ALK: variants seen among roughly 807,000 people sequenced by gnomAD.
ALK encodes ALK tyrosine kinase receptor.
In ALK, 74 loss-of-function variants were observed where a neutral mutation model predicts 163.1. The ratio of observed to expected loss-of-function variants is 0.45; its 90% CI spans 0.38 to 0.55. ALK has a LOEUF of 0.55. Among genes scored for constraint, ALK ranks in the 20% least tolerant of loss-of-function variants. ALK has a pLI of 0.00. For missense variants in ALK, 2,063 were observed against 2,105.3 expected, an observed-to-expected ratio of 0.98 and a Z score of 0.39; for synonymous variants, 960 against 843.2, an observed-to-expected ratio of 1.14 and a Z score of -2.40.
intron 11 of ALK, among the ~76,000 whole-genome samples, chr2:29,272,311 A>G (rs1665413973): frequency 6.6e-6 from 1 of 152,190 alleles, no homozygotes; most frequent in South Asian, 2.1e-4. Context: ...TGGACTTAAT[A>G]CTTGCCCCAT....
rs143141901 is a variant in ALK at position 29,275,475 on chromosome 2, T to C, written c.1839A>G (p.Ala613=). 1.9e-6 allele frequency: 3 copies of C among 1,614,138 alleles called. No individual in the cohort carries two copies. The highest frequency in any genetic ancestry group is 1.3e-5 in the African/African-American group (1 of 75,046). Residue 613 remains alanine, a synonymous_variant, in exon 10 of 29, where the codon GCA becomes GCG. Coordinates refer to ENST00000389048, the MANE Select transcript of ALK (RefSeq NM_004304.5). ...VSDRFWLQMV[A]WWGQGSRAIV... Reference sequence around the variant, plus strand: ...TGGCTCTGGATCCTTGTCCCCACCATGCGACCATCTGCAGCCAGAACCTGT... The same window carrying C: ...TGGCTCTGGATCCTTGTCCCCACCACGCGACCATCTGCAGCCAGAACCTGT...
chr2:29,782,670 C>G (rs1468222176), intron 1 of ALK, among the ~76,000 whole-genome samples: 3 of 152,126 alleles, frequency 2.0e-5, no homozygotes, highest in East Asian at 3.9e-4. Flanking sequence ...AAGCCAGGAC[C>G]TAATTTCCCA....
chr2:29,338,908 A>G (rs1174965609), intron 5 of ALK, among the ~76,000 whole-genome samples: 2 of 152,182 alleles, frequency 1.3e-5, no homozygotes, highest in Non-Finnish European at 2.9e-5. Flanking sequence ...TCAATCTTTG[A>G]GCTTCTACAA....
intron 1 of ALK, among the ~76,000 whole-genome samples, chr2:29,732,143 T>C (rs2148318199): frequency 1.3e-5 from 2 of 152,354 alleles, no homozygotes; most frequent in South Asian, 4.1e-4. Flanking sequence ...AATCATTCAC[T>C]AAGTGACTCA....
At chr2:29,737,190 T>C (rs986203032) in intron 1 of ALK, among the ~76,000 whole-genome samples, 10 of 152,092 alleles carry the variant, frequency 6.6e-5, no homozygotes, top group African/African-American at 2.4e-4. Context: ...TGTGAAAATA[T>C]ATAGGTGCTA....
intron 1 of ALK, among the ~76,000 whole-genome samples, chr2:29,902,798 G>A (rs975836065): frequency 6.6e-6 from 1 of 152,014 alleles, no homozygotes; most frequent in Admixed American, 6.6e-5. Context: ...AGCTCCATCA[G>A]GAAGCCTGTA....
chr2:29,286,981 A>G (rs1665875074), intron 9 of ALK: 1 of 150,834 alleles, frequency 6.6e-6, no homozygotes, highest in East Asian at 2.0e-4. Flanking sequence ...GCACACAGCT[A>G]GACTACATTC....
intron 3 of ALK, among the ~76,000 whole-genome samples, chr2:29,671,693 C>T (rs966519645): frequency 2.0e-5 from 3 of 151,944 alleles, no homozygotes; most frequent in East Asian, 1.9e-4. Context: ...CTACTACTTG[C>T]TTAGAATATT....
At chr2:29,468,482 G>C (rs1350304201) in intron 4 of ALK, among the ~76,000 whole-genome samples, 1 of 152,096 alleles carries the variant, frequency 6.6e-6, no homozygotes, top group African/African-American at 2.4e-5. Flanking sequence ...GCTTGCTAGC[G>C]ATATGAGCCC....
At chr2:29,501,583 C>A (rs1672190215) in intron 4 of ALK, among the ~76,000 whole-genome samples, 1 of 152,190 alleles carries the variant, frequency 6.6e-6, no homozygotes, top group South Asian at 2.1e-4. Context: ...TACAGGTTCC[C>A]CTCAATAGCC....
At chr2:29,901,620 A>C (rs577413770) in intron 1 of ALK, among the ~76,000 whole-genome samples, 4 of 152,290 alleles carry the variant, frequency 2.6e-5, no homozygotes, top group African/African-American at 2.4e-5. Flanking sequence ...TCAGTGCTTT[A>C]CTTAAGAAAA....
At chr2:29,756,252 G>GTCCATTAAAAA (rs1336397515) in intron 1 of ALK, among the ~76,000 whole-genome samples, 3 of 152,152 alleles carry the variant, frequency 2.0e-5, no homozygotes, top group Non-Finnish European at 4.4e-5. Flanking sequence ...TTTCCCGGGA[G>GTCCATTAAAAA]GACCTTCCGG....
chr2:29,719,561 T>G (rs911568922), intron 1 of ALK, among the ~76,000 whole-genome samples: 1 of 152,250 alleles, frequency 6.6e-6, no homozygotes, highest in African/African-American at 2.4e-5. Context: ...ACCGGTATGA[T>G]GCTAAGTGCT....
At chr2:29,203,379 C>A (rs1403089666) in intron 26 of ALK, among the ~76,000 whole-genome samples, 1 of 149,966 alleles carries the variant, frequency 6.7e-6, no homozygotes, top group African/African-American at 2.5e-5. Flanking sequence ...AATTTGATGC[C>A]ATTTGGATTC....
At chr2:29,522,375 A>G (rs1207243268) in intron 4 of ALK, among the ~76,000 whole-genome samples, 1 of 152,220 alleles carries the variant, frequency 6.6e-6, no homozygotes, top group Non-Finnish European at 1.5e-5. Flanking sequence ...AGTAAGCATC[A>G]AGTGATTCTT....
intron 1 of ALK, among the ~76,000 whole-genome samples, chr2:29,780,238 C>T (rs188899444): frequency 5.9e-5 from 9 of 152,296 alleles, no homozygotes; most frequent in East Asian, 5.8e-4. Flanking sequence ...CCTCATCTTC[C>T]GAGCACAGAG....
intron 3 of ALK, among the ~76,000 whole-genome samples, chr2:29,550,650 T>C (rs1673691629): frequency 6.6e-6 from 1 of 152,210 alleles, no homozygotes. Flanking sequence ...CTACTTGCAA[T>C]GTCAGACTAC....
At chr2:29,424,898 A>G (rs1253705995) in intron 4 of ALK, among the ~76,000 whole-genome samples, 2 of 152,234 alleles carry the variant, frequency 1.3e-5, no homozygotes, top group African/African-American at 4.8e-5. Flanking sequence ...TGAGGGTACC[A>G]TAAATAAAAT....
chr2:29,774,231 C>A (rs1029326012), intron 1 of ALK, among the ~76,000 whole-genome samples: 2 of 152,206 alleles, frequency 1.3e-5, no homozygotes, highest in African/African-American at 4.8e-5. Context: ...AACTCCCTGA[C>A]TGACACATTT....
Sources: allele counts gnomAD v4.1 joint callset (sites outside exome capture counted in the v4.1 genomes callset), GRCh38; gene constraint gnomAD v4.1.1; transcripts MANE v1.5; gene names NCBI Gene and HGNC (gene_info 2026-07-23, HGNC 2026-07-21).